ESCO1: variants seen among roughly 807,000 people sequenced by gnomAD.
ESCO1 encodes the protein establishment of sister chromatid cohesion N-acetyltransferase 1, also known as N-acetyltransferase ESCO1.
In ESCO1, 33 loss-of-function variants were observed where a neutral mutation model predicts 83.5. The observed-to-expected ratio is 0.40, with a 90% confidence interval of 0.30 to 0.53. The LOEUF (loss-of-function observed/expected upper bound fraction) is 0.53, where lower values mean the gene tolerates loss of function less well. Ranked by LOEUF, ESCO1 falls within the 20% of genes least tolerant of loss-of-function variation. ESCO1 has a pLI of 0.63. For missense variants in ESCO1, 855 were observed against 968.0 expected (o/e 0.88, Z 1.55); for synonymous variants, 332 against 324.3 (o/e 1.02, Z -0.25).
intron 1 of ESCO1, among the ~76,000 whole-genome samples, chr18:21,588,526 A>T (rs916918935): frequency 6.6e-6 from 1 of 152,214 alleles, no homozygotes; most frequent in Non-Finnish European, 1.5e-5. Flanking sequence ...ACAGACCTAA[A>T]ATGTGAAAGG....
intron 1 of ESCO1, among the ~76,000 whole-genome samples, chr18:21,584,774 T>C (rs1289671647): frequency 1.3e-5 from 2 of 152,098 alleles, no homozygotes; most frequent in Non-Finnish European, 2.9e-5. Context: ...TGGGCTGTGA[T>C]CATGCCACTG....
chr18:21,560,272 T>C (rs1280242814), intron 8 of ESCO1, among the ~76,000 whole-genome samples: 1 of 151,840 alleles, frequency 6.6e-6, no homozygotes, highest in Non-Finnish European at 1.5e-5. Context: ...ATGCCTAAAA[T>C]GCACTTCCAT....
intron 8 of ESCO1, among the ~76,000 whole-genome samples, chr18:21,541,880 T>C (rs942312612): frequency 9.8e-4 from 149 of 152,242 alleles, no homozygotes; most frequent in African/African-American, 3.5e-3. Context: ...CCATAAACTA[T>C]TTTCCTATTA....
At chr18:21,546,665 G>A (rs2146181806) in intron 8 of ESCO1, among the ~76,000 whole-genome samples, 1 of 152,228 alleles carries the variant, frequency 6.6e-6, no homozygotes, top group South Asian at 2.1e-4. Context: ...TCCCAACTCA[G>A]CCTCCCGAGT....
chr18:21,589,562 C>T (rs2038632842), intron 1 of ESCO1, among the ~76,000 whole-genome samples: 1 of 152,086 alleles, frequency 6.6e-6, no homozygotes. Flanking sequence ...CTCTCAATCC[C>T]AACATAATTT....
At chr18:21,567,257 A>C (rs1301104366) in intron 5 of ESCO1, among the ~76,000 whole-genome samples, 1 of 152,132 alleles carries the variant, frequency 6.6e-6, no homozygotes, top group African/African-American at 2.4e-5. Context: ...CCCAGGTTCA[A>C]GCAATTCTCC....
At chr18:21,578,914 G>A (rs953981480) in intron 2 of ESCO1, among the ~76,000 whole-genome samples, 70 of 152,098 alleles carry the variant, frequency 4.6e-4, no homozygotes, top group African/African-American at 1.6e-3. Context: ...AGGCTGGAGT[G>A]CAGTGGCACC....
At chr18:21,553,209 G>T (rs566329818) in intron 8 of ESCO1, among the ~76,000 whole-genome samples, 14 of 152,030 alleles carry the variant, frequency 9.2e-5, no homozygotes, top group South Asian at 6.2e-4. Flanking sequence ...AGGATTGCTT[G>T]AGCCCAGGAG....
At chr18:21,539,623 A>C (rs941612660) in intron 9 of ESCO1, among the ~76,000 whole-genome samples, 5 of 152,198 alleles carry the variant, frequency 3.3e-5, no homozygotes, top group African/African-American at 1.2e-4. Context: ...AGGCCAAGAC[A>C]GGCAGATCAT....
At chr18:21,540,112 C>A in intron 8 of ESCO1, 103 bp from the exon 9 acceptor site, 1 of 1,069,686 alleles carries the variant, frequency 9.3e-7, no homozygotes, top group Non-Finnish European at 1.3e-6. Context: ...ATCAATTTGT[C>A]TAAAAATTGC....
intron 2 of ESCO1, among the ~76,000 whole-genome samples, chr18:21,579,001 C>T (rs529102250): frequency 6.6e-6 from 1 of 152,244 alleles, no homozygotes; most frequent in South Asian, 2.1e-4. Flanking sequence ...GCTGGGATTA[C>T]AGGCACGCAC....
chr18:21,597,782 T>C (rs918297430), intron 1 of ESCO1, among the ~76,000 whole-genome samples: 2 of 152,182 alleles, frequency 1.3e-5, no homozygotes, highest in African/African-American at 4.8e-5. Context: ...CTGCCATAAA[T>C]GTCTAAAGGA....
At chr18:21,598,296 ATC>A (rs1372620867) in intron 1 of ESCO1, among the ~76,000 whole-genome samples, 1 of 152,236 alleles carries the variant, frequency 6.6e-6, no homozygotes, top group East Asian at 1.9e-4. Flanking sequence ...AAAAAGGACT[ATC>A]TGGCAAAAGA....
intron 8 of ESCO1, among the ~76,000 whole-genome samples, chr18:21,549,529 C>T (rs1003963873): frequency 2.0e-5 from 3 of 152,072 alleles, no homozygotes; most frequent in Non-Finnish European, 4.4e-5. Context: ...ATTCTCATGC[C>T]TCAGTCTCCC....
chr18:21,599,069 C>G (rs2038803964), intron 1 of ESCO1, among the ~76,000 whole-genome samples: 1 of 151,864 alleles, frequency 6.6e-6, no homozygotes, highest in South Asian at 2.1e-4. Context: ...TCACCAGGCA[C>G]AGTGGCTCAG....
chr18:21,546,949 A>G (rs924869127), intron 8 of ESCO1, among the ~76,000 whole-genome samples: 5 of 152,152 alleles, frequency 3.3e-5, no homozygotes, highest in African/African-American at 1.2e-4. Context: ...AGCTTTTCCA[A>G]TACAACACAG....
chr18:21,578,353 T>C lies in ESCO1; in HGVS notation c.-693-2576A>G, dbSNP rs146100767. 2.1e-3 allele frequency among the ~76,000 whole-genome samples: 318 copies of C among 151,232 alleles called. 2 individuals are homozygous for C. Among genetic ancestry groups the C allele is most frequent in the African/African-American group, 7.5e-3 (309 of 41,158 alleles). ...AAAGTCAACAGATGCCATCAGAAGG[T>C]AAAGACAAGGAGCTCTCCTATAAAG... is the stretch of plus-strand genomic sequence containing the variant. On this transcript the variant is annotated intron_variant, in intron 2 of 11. Transcript: ENST00000269214.
rs144087636 is a variant in ESCO1 at position 21,575,205 on chromosome 18, C to G, written c.-362G>C. The G allele has an allele frequency of 9.2e-4, 354 of 383,258 alleles. 2 individuals carry two copies. The East Asian group carries it at 0.013, about 14-fold the overall frequency. The allele number at this position is 383,258 out of a possible 1,614,324, so 23.7% of individuals were successfully genotyped here. On this transcript the variant is annotated 5_prime_UTR_variant, in exon 4 of 12. Coordinates refer to ENST00000269214, the MANE Select transcript of ESCO1 (RefSeq NM_052911.3). Reference sequence around the variant, plus strand: ...ATTAATTTTGGTTTCAGGCCTAGCTCTATTACTGGAGGAGTTATTTATCAG... The same window carrying G: ...ATTAATTTTGGTTTCAGGCCTAGCTGTATTACTGGAGGAGTTATTTATCAG...
At chr18:21,566,084 C>T (rs1017839918) in intron 6 of ESCO1, 62 bp downstream of exon 6, 2 of 1,451,730 alleles carry the variant, frequency 1.4e-6, no homozygotes, top group African/African-American at 2.8e-5. Context: ...AGGGAAGAAT[C>T]CCCTAAACTC....
Sources: allele counts gnomAD v4.1 joint callset (sites outside exome capture counted in the v4.1 genomes callset), GRCh38; gene constraint gnomAD v4.1.1; transcripts MANE v1.5; gene names NCBI Gene and HGNC (gene_info 2026-07-23, HGNC 2026-07-21).